Variants in PKD2L1 observed in about 807,000 individuals in gnomAD.
PKD2L1 encodes the protein polycystin-2-like protein 1.
Under a neutral mutation model 93.0 loss-of-function variants are expected in PKD2L1, and 77 were observed. The ratio of observed to expected loss-of-function variants is 0.83; its 90% CI spans 0.69 to 1.00. PKD2L1 has a LOEUF of 1.00. Ranked by LOEUF, PKD2L1 falls within the 50% of genes least tolerant of loss-of-function variation. The pLI is 0.00. For missense variants in PKD2L1, 977 were observed against 990.9 expected (o/e 0.99, Z 0.19); for synonymous variants, 390 against 388.0 (o/e 1.01, Z -0.06).
At chr10:100,315,001 A>AAG (rs1849054103) in intron 2 of PKD2L1, among the ~76,000 whole-genome samples, 1 of 11,306 alleles carries the variant, frequency 8.8e-5, no homozygotes, top group Non-Finnish European at 1.4e-4. Flanking sequence ...GAAGGAAGGA[A>AAG]GGAAGGAAGG....
intron 2 of PKD2L1, among the ~76,000 whole-genome samples, chr10:100,303,598 G>A (rs192300999): frequency 6.6e-6 from 1 of 152,154 alleles, no homozygotes; most frequent in African/African-American, 2.4e-5. Flanking sequence ...TCTGGAAGGC[G>A]AATGATCACG....
At chr10:100,317,556 A>G (rs1019538378) in intron 2 of PKD2L1, among the ~76,000 whole-genome samples, 1 of 152,266 alleles carries the variant, frequency 6.6e-6, no homozygotes, top group Admixed American at 6.5e-5. Context: ...CAAACAAAGA[A>G]AAATTTTAAT....
In PKD2L1 at chr10:100,296,109, G is replaced by A; in HGVS notation, c.1356+13C>T. On this transcript the variant is annotated intron_variant, in intron 7 of 15. Transcript: ENST00000318222. ...CGCCTTGAAGCAAAGCTGGGTGTGGGAATCCCAGGTACCTTGATCCAGGCG... is the reference window on the plus strand; with the variant it reads ...CGCCTTGAAGCAAAGCTGGGTGTGGAAATCCCAGGTACCTTGATCCAGGCG... The A allele has an allele frequency of 6.3e-7, 1 of 1,598,420 alleles. No homozygotes were observed. The highest frequency in any genetic ancestry group is 8.5e-7 in the Non-Finnish European group (1 of 1,172,914).
chr10:100,288,909 G>A, intron 15 of PKD2L1, 63 bp downstream of exon 15: 1 of 1,030,932 alleles, frequency 9.7e-7, no homozygotes, highest in Non-Finnish European at 1.4e-6. Flanking sequence ...TGTGGCGAGG[G>A]GGCCTGTGCG....
chr10:100,291,479 C>T, intron 11 of PKD2L1, 52 bp from the exon 12 acceptor site: 1 of 1,587,634 alleles, frequency 6.3e-7, no homozygotes, highest in Non-Finnish European at 8.6e-7. Flanking sequence ...TGTGACCTCT[C>T]AGTTATGGAC....
intron 9 of PKD2L1, among the ~76,000 whole-genome samples, chr10:100,294,158 G>A (rs1292367982): frequency 6.6e-6 from 1 of 152,094 alleles, no homozygotes; most frequent in Non-Finnish European, 1.5e-5. Flanking sequence ...GGCAGGGAGA[G>A]AGAACTACCA....
intron 2 of PKD2L1, among the ~76,000 whole-genome samples, chr10:100,310,383 C>T (rs997933679): frequency 3.3e-5 from 5 of 152,004 alleles, no homozygotes; most frequent in Non-Finnish European, 7.4e-5. Context: ...AAAAAGAGGG[C>T]AATGGATGCC....
chr10:100,313,126 A>G (rs1425637513), intron 2 of PKD2L1, among the ~76,000 whole-genome samples: 1 of 152,156 alleles, frequency 6.6e-6, no homozygotes, highest in South Asian at 2.1e-4. Context: ...GAAGAGTTGC[A>G]CTTGCTCTTA....
intron 2 of PKD2L1, among the ~76,000 whole-genome samples, chr10:100,322,864 G>C (rs899300250): frequency 5.9e-5 from 9 of 152,206 alleles, no homozygotes; most frequent in African/African-American, 2.2e-4. Flanking sequence ...ACCAATTGCT[G>C]AGTTGGATTC....
At chr10:100,297,992 T>A (rs1848589458) in intron 4 of PKD2L1, among the ~76,000 whole-genome samples, 1 of 152,012 alleles carries the variant, frequency 6.6e-6, no homozygotes, top group Admixed American at 6.6e-5. Flanking sequence ...CCTTGAATAG[T>A]CCCCCTAAGG....
At chr10:100,288,829 A>T (rs955843415) in intron 15 of PKD2L1, 143 bp downstream of exon 15, 74 of 584,574 alleles carry the variant, frequency 1.3e-4, no homozygotes, top group Middle Eastern at 9.0e-4. Context: ...ACATTGGCTC[A>T]AAAGGCCAGA....
intron 13 of PKD2L1, 98 bp from the exon 14 acceptor site, chr10:100,290,236 T>C (rs966147649): frequency 6.6e-7 from 1 of 1,507,470 alleles, no homozygotes; most frequent in South Asian, 1.2e-5. Context: ...GTGTCCTGAA[T>C]GGAACAAGGA....
chr10:100,309,635 G>T (rs952450186), intron 2 of PKD2L1, among the ~76,000 whole-genome samples: 1 of 152,178 alleles, frequency 6.6e-6, no homozygotes, highest in Non-Finnish European at 1.5e-5. Flanking sequence ...GAGCAAATCT[G>T]CAGAGACTCC....
At chr10:100,325,380 G>A (rs1849355125) in intron 2 of PKD2L1, among the ~76,000 whole-genome samples, 3 of 152,166 alleles carry the variant, frequency 2.0e-5, no homozygotes, top group Admixed American at 2.0e-4. Flanking sequence ...CACCGAAGTG[G>A]CCCTCCTGAG....
chr10:100,294,858 G>A (rs750135481), intron 8 of PKD2L1, 84 bp downstream of exon 8: 958 of 1,361,080 alleles, frequency 7.0e-4, no homozygotes, highest in Non-Finnish European at 7.7e-4. Context: ...AGACACGCAC[G>A]TACCCATCTT....
At chr10:100,323,266 CTTTTA>C (rs1257360450) in intron 2 of PKD2L1, among the ~76,000 whole-genome samples, 2 of 152,008 alleles carry the variant, frequency 1.3e-5, no homozygotes, top group South Asian at 2.1e-4. Context: ...ATAATCACGG[CTTTTA>C]TTTTATTTTA....
At chr10:100,296,737 TA>T (rs149108649) in intron 6 of PKD2L1, among the ~76,000 whole-genome samples, 2,642 of 138,978 alleles carry the variant, frequency 0.019, 41 homozygotes, top group Middle Eastern at 0.032. Flanking sequence ...TATAGTACAC[TA>T]AAAAAAAAAA....
rs771784712 is a variant in PKD2L1, at chr10:100,291,419, T to C, written c.1889A>G (p.His630Arg). ...DFTNTLRELG[H>R]AEHEITELTA... ...GAGCTCAGTGATTTCATGCTCTGCGTGTCCCAGTCTGAGAAGAGGATGATG... is the reference window on the plus strand; with the variant it reads ...GAGCTCAGTGATTTCATGCTCTGCGCGTCCCAGTCTGAGAAGAGGATGATG... The change falls in exon 12 of 16, where the codon CAC becomes CGC. Residue 630 changes from histidine to arginine, a missense_variant. Physicochemically the swap from His to Arg is conservative, Grantham distance 29. Transcript: ENST00000318222. 3 of 1,614,118 alleles carry C rather than the reference T, an allele frequency of 1.9e-6. No individual in the cohort carries two copies. In the South Asian group the frequency reaches 3.3e-5, roughly 18 times the overall value.
Position 100,296,995 on chromosome 10 carries a change from G to A in PKD2L1, c.1170C>T (p.Asp390=). The part of the protein sequence containing the change: ...RYLSSIWNIL[D]LVVILLSIVA... ...TGTCCCTCACCAAGATGACCACCAG[G>A]TCCAGTATGTTCCAGATGCTGCTGA... Residue 390 remains aspartate, a synonymous_variant, in exon 6 of 16, where the codon GAC becomes GAT. Transcript: ENST00000318222. The A allele has an allele frequency of 6.2e-7, 1 of 1,611,584 alleles. No homozygotes were observed. The highest frequency in any genetic ancestry group is 8.5e-7 in the Non-Finnish European group (1 of 1,177,690).
Sources: allele counts gnomAD v4.1 joint callset (sites outside exome capture counted in the v4.1 genomes callset), GRCh38; gene constraint gnomAD v4.1.1; transcripts MANE v1.5; gene names NCBI Gene and HGNC (gene_info 2026-07-23, HGNC 2026-07-21).